ANO4: variants seen among roughly 807,000 people sequenced by gnomAD.
The protein encoded by ANO4 is anoctamin-4.
A neutral mutation model predicts 141.9 loss-of-function variants in ANO4; 69 were observed. The ratio of observed to expected loss-of-function variants is 0.49; its 90% CI spans 0.40 to 0.59. The LOEUF is 0.59. ANO4 is among the 20% of genes least tolerant of loss of function. ANO4 has a pLI of 0.00. For synonymous variants in ANO4, 350 were observed against 394.3 expected (o/e 0.89, Z 1.33); for missense variants, 894 against 1,162.2 (o/e 0.77, Z 3.36).
At chr12:101,028,221 G>A (rs1407662179) in intron 9 of ANO4, among the ~76,000 whole-genome samples, 1 of 152,152 alleles carries the variant, frequency 6.6e-6, no homozygotes, top group Non-Finnish European at 1.5e-5. Flanking sequence ...ACAAAGATGA[G>A]AAAGAATCAA....
At chr12:100,808,217 A>T (rs1565893031) in intron 1 of ANO4, among the ~76,000 whole-genome samples, 1 of 152,026 alleles carries the variant, frequency 6.6e-6, no homozygotes, top group Non-Finnish European at 1.5e-5. Flanking sequence ...CCACAACCTC[A>T]CCAGTATCCT....
Position 100,855,779 on chromosome 12 carries a change from G to T in ANO4, c.-140-45867G>T, listed in dbSNP as rs565446665. On this transcript the variant is annotated intron_variant, in intron 1 of 27. Transcript: ENST00000392977. ...GACATTAGGAATAAATTCACATACC[G>T]ACATAAATTTAATACCTACTGTGTG... is the stretch of plus-strand genomic sequence containing the variant. Among the ~76,000 whole-genome samples, 5 of 152,182 alleles carry T rather than the reference G, an allele frequency of 3.3e-5. 1 individual carries two copies. Among genetic ancestry groups the T allele is most frequent in the African/African-American group, 1.2e-4 (5 of 41,514 alleles).
At position 101,127,042 on chromosome 12, in the gene ANO4, G is replaced by T. The variant is rs753200419; in HGVS notation, c.2840G>T (p.Gly947Val). ...QKERKERKKN[G>V]KAHHNEWP ...GAACGAAAGGAGAGGAAGAAGAATG[G>T]AAAAGCACACCACAACGAGTGGCCG... Residue 947 changes from glycine to valine, a missense_variant, in exon 27 of 28, where the codon GGA (glycine) becomes GTA (valine). Coordinates refer to ENST00000392977, the MANE Select transcript of ANO4 (RefSeq NM_001286615.2). 2.1e-5 allele frequency: 34 copies of T among 1,613,802 alleles called. No homozygotes were observed. The highest frequency in any genetic ancestry group is 1.7e-5 in the Non-Finnish European group (20 of 1,179,904).
At chr12:101,124,213 T>C (rs1398959593) in intron 26 of ANO4, among the ~76,000 whole-genome samples, 4 of 152,116 alleles carry the variant, frequency 2.6e-5, no homozygotes, top group Admixed American at 2.6e-4. Context: ...GTTCTTTAAT[T>C]ATCAATAATG....
At chr12:101,119,133 T>C (rs1400671649) in intron 25 of ANO4, among the ~76,000 whole-genome samples, 1 of 152,046 alleles carries the variant, frequency 6.6e-6, no homozygotes, top group Non-Finnish European at 1.5e-5. Flanking sequence ...GAGCTTTCTT[T>C]TTCAAAGCTT....
At chr12:100,727,775 CT>C (rs1158859769) in intron 1 of ANO4, among the ~76,000 whole-genome samples, 1 of 151,948 alleles carries the variant, frequency 6.6e-6, no homozygotes, top group Admixed American at 6.6e-5. Context: ...CAAAGTTGAA[CT>C]TTTTTGTTAT....
At chr12:100,923,772 A>G (rs889930375) in intron 3 of ANO4, among the ~76,000 whole-genome samples, 4 of 152,050 alleles carry the variant, frequency 2.6e-5, no homozygotes, top group African/African-American at 9.7e-5. Context: ...AAGCATTCCT[A>G]TTTCTTCACA....
intron 14 of ANO4, chr12:101,068,939 A>G: frequency 1.3e-6 from 1 of 798,858 alleles, no homozygotes; most frequent in Non-Finnish European, 2.3e-6. Flanking sequence ...GCTGCTAAGG[A>G]TCTCTTACAC....
intron 1 of ANO4, among the ~76,000 whole-genome samples, chr12:100,883,632 G>A (rs2135964050): frequency 1.3e-5 from 2 of 152,212 alleles, no homozygotes; most frequent in South Asian, 4.1e-4. Context: ...TGATCTTGCT[G>A]TTCCACATTT....
At chr12:100,867,846 G>A (rs2038832633) in intron 1 of ANO4, among the ~76,000 whole-genome samples, 1 of 152,130 alleles carries the variant, frequency 6.6e-6, no homozygotes, top group East Asian at 1.9e-4. Context: ...TCTACAGGGA[G>A]GGGCAGTTTT....
At chr12:101,103,183 T>TTATATA (rs71091476) in intron 22 of ANO4, among the ~76,000 whole-genome samples, 38 of 18,580 alleles carry the variant, frequency 2.0e-3, no homozygotes, top group African/African-American at 4.2e-3. Context: ...TTTAGTCATT[T>TTATATA]TATATATATA....
chr12:101,068,893 A>C (rs1480526314), intron 14 of ANO4: 2 of 859,880 alleles, frequency 2.3e-6, no homozygotes, highest in East Asian at 2.4e-5. Context: ...TTTAAAGCTA[A>C]CAGAGCTCCT....
chr12:101,121,941 T>C (rs372610947), intron 26 of ANO4, among the ~76,000 whole-genome samples: 14 of 152,054 alleles, frequency 9.2e-5, no homozygotes, highest in African/African-American at 2.9e-4. Flanking sequence ...TTTGTATTTT[T>C]AGTGGAGACG....
At chr12:100,901,405 G>A (rs1361828168) in intron 1 of ANO4, among the ~76,000 whole-genome samples, 2 of 152,164 alleles carry the variant, frequency 1.3e-5, no homozygotes, top group Non-Finnish European at 2.9e-5. Context: ...TGTCAAATAT[G>A]TGCACATTTT....
chr12:101,020,429 C>T (rs1176637699), intron 9 of ANO4, among the ~76,000 whole-genome samples: 2 of 152,192 alleles, frequency 1.3e-5, no homozygotes, highest in African/African-American at 4.8e-5. Context: ...ATGCATAGTT[C>T]TGATCTGGAG....
At chr12:100,914,154 G>T (rs574199782) in intron 2 of ANO4, among the ~76,000 whole-genome samples, 1 of 152,164 alleles carries the variant, frequency 6.6e-6, no homozygotes, top group Non-Finnish European at 1.5e-5. Context: ...GCCCTCTAGG[G>T]AACTTTTAGT....
In ANO4 at chr12:101,070,350, C is replaced by T. The variant is rs112204718; in HGVS notation, c.1313-8843C>T. ...AGACCAATGGGATAGAATAGAGAGC[C>T]CCAAAACAAATCCACACACTTACAG... On this transcript the variant is annotated intron_variant, in intron 14 of 27. Transcript: ENST00000392977. Among the ~76,000 whole-genome samples, 319 of 152,088 alleles carry T rather than the reference C, an allele frequency of 2.1e-3. 3 individuals are homozygous for T. Among genetic ancestry groups the T allele is most frequent in the African/African-American group, 7.2e-3 (297 of 41,490 alleles).
chr12:101,036,667 A>G (rs1174781744), intron 9 of ANO4, among the ~76,000 whole-genome samples: 2 of 152,204 alleles, frequency 1.3e-5, no homozygotes, highest in Non-Finnish European at 2.9e-5. Flanking sequence ...AACAGAGAGT[A>G]GAATAGTGGT....
chr12:101,099,822 G>A (rs2050124817), intron 22 of ANO4, 102 bp downstream of exon 22: 4 of 989,762 alleles, frequency 4.0e-6, no homozygotes, highest in Non-Finnish European at 5.5e-6. Flanking sequence ...TCAGTGCGTA[G>A]GGATTCCTAA....
Sources: gnomAD v4.1 joint callset for allele counts (sites outside exome capture counted in the v4.1 genomes callset) on GRCh38, gnomAD v4.1.1 for gene constraint, MANE v1.5 for transcripts, NCBI Gene and HGNC (gene_info 2026-07-23, HGNC 2026-07-21) for gene names.